The following ADAM22 variants were observed in gnomAD, a reference collection of about 807,000 sequenced individuals.
ADAM22 encodes ADAM metallopeptidase domain 22.
ADAM22 carries 65 observed loss-of-function variants against 144.6 expected under a neutral mutation model. That is an observed-to-expected ratio of 0.45 (90% CI 0.37 to 0.55). The LOEUF (loss-of-function observed/expected upper bound fraction) is 0.55, where lower values mean the gene tolerates loss of function less well. ADAM22 is among the 20% of genes least tolerant of loss of function. The pLI, the probability that ADAM22 is intolerant of heterozygous loss-of-function variation, is 0.00. For synonymous variants in ADAM22, 391 were observed against 412.6 expected (o/e 0.95, Z 0.63); for missense variants, 974 against 1,184.9 (o/e 0.82, Z 2.61).
At chr7:87,959,219 A>C (rs1033142500) in intron 2 of ADAM22, among the ~76,000 whole-genome samples, 2 of 152,218 alleles carry the variant, frequency 1.3e-5, no homozygotes, top group Admixed American at 1.3e-4. Flanking sequence ...GAACTTGGCA[A>C]ACACTTAACT....
intron 2 of ADAM22, among the ~76,000 whole-genome samples, chr7:87,976,216 G>A (rs1851860621): frequency 6.6e-6 from 1 of 152,170 alleles, no homozygotes; most frequent in Non-Finnish European, 1.5e-5. Context: ...TCATGGAAGA[G>A]GGGTGCTATG....
chr7:87,934,480 G>T lies in ADAM22; in HGVS notation c.15G>T (p.Val5=), dbSNP rs781507898. MQAA[V]AVSVPFLLLC... ...ACGGCAGCACCATGCAGGCGGCAGT[G>T]GCTGTGTCCGTGCCCTTCTTGCTGC... The change falls in exon 1 of 32, where the codon GTG becomes GTT. Residue 5 remains valine (V), a synonymous_variant. Coordinates refer to ENST00000413139, the MANE Select transcript of ADAM22 (RefSeq NM_001324418.2). 1 of 1,603,964 alleles carries T rather than the reference G, an allele frequency of 6.2e-7. No homozygotes were observed. The highest frequency in any genetic ancestry group is 1.7e-5 in the Admixed American group (1 of 59,524).
chr7:88,180,375 G>T (rs1376187628), intron 27 of ADAM22, among the ~76,000 whole-genome samples: 1 of 151,968 alleles, frequency 6.6e-6, no homozygotes, highest in Non-Finnish European at 1.5e-5. Context: ...GAAATTAATG[G>T]TTTCCAGCAG....
At chr7:88,156,137 G>A in intron 22 of ADAM22, 131 bp downstream of exon 22, 1 of 925,196 alleles carries the variant, frequency 1.1e-6, no homozygotes. Flanking sequence ...AGAGACGATT[G>A]AGTAAATCCT....
rs112126526 is a variant in ADAM22, at chr7:88,138,095, C to T, written c.1220+2064C>T. 3.2e-3 allele frequency among the ~76,000 whole-genome samples: 486 copies of T among 152,172 alleles called. 2 individuals carry two copies. Among genetic ancestry groups the T allele is most frequent in the African/African-American group, 0.011 (470 of 41,522 alleles). On this transcript the variant is annotated intron_variant, in intron 14 of 31. Coordinates refer to ENST00000413139, the MANE Select transcript of ADAM22 (RefSeq NM_001324418.2). ...CCTGATTCCAGGGAGGTTGAGGCTGCGGTGAGCCATGATTGTGCCACTGAA... is the reference window on the plus strand; with the variant it reads ...CCTGATTCCAGGGAGGTTGAGGCTGTGGTGAGCCATGATTGTGCCACTGAA...
intron 3 of ADAM22, among the ~76,000 whole-genome samples, chr7:87,997,834 A>G (rs971243669): frequency 6.6e-6 from 1 of 152,222 alleles, no homozygotes; most frequent in Non-Finnish European, 1.5e-5. Flanking sequence ...GACTAATAGG[A>G]TAGATGTATA....
chr7:88,053,150 A>G (rs951183033), intron 3 of ADAM22, among the ~76,000 whole-genome samples: 45 of 152,128 alleles, frequency 3.0e-4, no homozygotes, highest in African/African-American at 1.1e-3. Flanking sequence ...GTGAATATAC[A>G]CAGACACACA....
chr7:87,959,104 G>GT (rs201869222), intron 2 of ADAM22, among the ~76,000 whole-genome samples: 350 of 148,624 alleles, frequency 2.4e-3, no homozygotes, highest in African/African-American at 6.4e-3. Flanking sequence ...CTCAAATGTA[G>GT]TTTTTTTTTT....
intron 4 of ADAM22, among the ~76,000 whole-genome samples, chr7:88,089,207 CCA>C (rs1819202312): frequency 1.3e-5 from 2 of 151,950 alleles, no homozygotes; most frequent in Non-Finnish European, 2.9e-5. Flanking sequence ...AACTGCATTA[CCA>C]TACAGAATCT....
Position 88,128,604 on chromosome 7 carries a change from T to C in ADAM22, c.681T>C (p.Leu227=). 1.9e-6 allele frequency: 3 copies of C among 1,611,250 alleles called. No homozygotes were observed. The South Asian group carries it at 3.3e-5, about 18-fold the overall frequency. The change falls in exon 9 of 32, where the codon CTT becomes CTC. Residue 227 remains leucine (L), a splice_region_variant and synonymous_variant. Coordinates refer to ENST00000413139, the MANE Select transcript of ADAM22 (RefSeq NM_001324418.2). ...CTGTTTCCTTTCCTGTGTTACAGCT[T>C]CGTCGATATCCTCGTAATGTAGAAG... is the stretch of plus-strand genomic sequence containing the variant. The part of the protein sequence containing the change: ...KPRPKRSKRQ[L]RRYPRNVEEE...
At chr7:87,978,853 A>T (rs1013033846) in intron 3 of ADAM22, among the ~76,000 whole-genome samples, 1 of 152,140 alleles carries the variant, frequency 6.6e-6, no homozygotes, top group African/African-American at 2.4e-5. Flanking sequence ...AGATGCTTTG[A>T]TGTGGTGGTG....
At chr7:87,946,555 A>G (rs1225834079) in intron 2 of ADAM22, among the ~76,000 whole-genome samples, 2 of 152,224 alleles carry the variant, frequency 1.3e-5, no homozygotes, top group African/African-American at 4.8e-5. Context: ...GTCCAGTTTC[A>G]TTCTTCCGCA....
chr7:87,945,878 A>T (rs935666592), intron 2 of ADAM22, among the ~76,000 whole-genome samples: 3 of 152,132 alleles, frequency 2.0e-5, no homozygotes, highest in African/African-American at 7.2e-5. Context: ...ATCAAAGATG[A>T]TGAAAGTTTT....
chr7:88,002,726 C>CTTTTTT (rs1326969663), intron 3 of ADAM22, among the ~76,000 whole-genome samples: 1 of 152,122 alleles, frequency 6.6e-6, no homozygotes, highest in Non-Finnish European at 1.5e-5. Flanking sequence ...GAAGAAGAAC[C>CTTTTTT]TTTTCCTTTA....
intron 2 of ADAM22, 29 bp downstream of exon 2, chr7:87,935,215 T>G (rs371561446): frequency 1.3e-6 from 2 of 1,545,524 alleles, no homozygotes; most frequent in South Asian, 2.4e-5. Flanking sequence ...GAGGTGGTCC[T>G]CCGCGCCTCC....
chr7:87,983,141 T>C (rs936961232), intron 3 of ADAM22, among the ~76,000 whole-genome samples: 4 of 152,164 alleles, frequency 2.6e-5, no homozygotes, highest in African/African-American at 4.8e-5. Context: ...ATTAGTTTTC[T>C]GTTGCAAAAT....
At chr7:88,011,816 C>T (rs1795500333) in intron 3 of ADAM22, among the ~76,000 whole-genome samples, 1 of 151,106 alleles carries the variant, frequency 6.6e-6, no homozygotes, top group Non-Finnish European at 1.5e-5. Context: ...GAATGATACA[C>T]CTAGGTGTAG....
At chr7:87,944,146 T>C (rs955253284) in intron 2 of ADAM22, among the ~76,000 whole-genome samples, 1 of 152,182 alleles carries the variant, frequency 6.6e-6, no homozygotes, top group Non-Finnish European at 1.5e-5. Context: ...TTATTTTTTT[T>C]TTTTCAATTT....
rs3086405 is a variant in ADAM22, at chr7:87,982,670, CATATATAT to C, written c.323+4280_323+4287del. 4.5e-4 allele frequency among the ~76,000 whole-genome samples: 17 copies of C among 38,110 alleles called. 2 individuals carry two copies. The South Asian group carries it at 0.014, about 32-fold the overall frequency. 25.0% of individuals were successfully genotyped at this position (38,110 alleles called of 152,430 possible). ...ATTTATTCATCAGATTCAGTTATTA[CATATATAT>C]ATATATATATATATATATATAATTT... is the stretch of plus-strand genomic sequence containing the variant. On this transcript the variant is annotated intron_variant, in intron 3 of 31. Coordinates refer to ENST00000413139, the MANE Select transcript of ADAM22 (RefSeq NM_001324418.2).
Sources: allele counts gnomAD v4.1 joint callset (sites outside exome capture counted in the v4.1 genomes callset), GRCh38; gene constraint gnomAD v4.1.1; transcripts MANE v1.5; gene names NCBI Gene and HGNC (gene_info 2026-07-23, HGNC 2026-07-21).